The following SCARB1 variants were observed in gnomAD, a reference collection of about 807,000 sequenced individuals.
The protein encoded by SCARB1 is CD36 and LIMPII analogous 1.
Under a neutral mutation model 57.2 loss-of-function variants are expected in SCARB1, and 30 were observed. The ratio of observed to expected loss-of-function variants is 0.52; its 90% CI spans 0.39 to 0.71. The LOEUF (loss-of-function observed/expected upper bound fraction) is 0.71, where lower values mean the gene tolerates loss of function less well. SCARB1 is among the 30% of genes least tolerant of loss of function. The pLI, the probability that SCARB1 is intolerant of heterozygous loss-of-function variation, is 0.00. For synonymous variants in SCARB1, 249 were observed against 268.3 expected (o/e 0.93, Z 0.70); for missense variants, 543 against 671.2 (o/e 0.81, Z 2.11).
Position 124,811,957 on chromosome 12 carries a change from G to C in SCARB1, c.639C>G (p.Asn213Lys), listed in dbSNP as rs1950548485. 3 of 1,612,024 alleles carry C rather than the reference G, an allele frequency of 1.9e-6. No individual in the cohort carries two copies. The highest frequency in any genetic ancestry group is 2.5e-6 in the Non-Finnish European group (3 of 1,179,020). Residue 213 changes from asparagine (N) to lysine (K), a missense_variant, in exon 5 of 13, where the codon AAC becomes AAG. Coordinates refer to ENST00000261693, the MANE Select transcript of SCARB1 (RefSeq NM_005505.5). Reference sequence around the variant, plus strand: ...ACACCGTGAAGAGCCCAGAGTCGGAGTTGTTGAGCTACAGACACAGCAGGG... The same window carrying C: ...ACACCGTGAAGAGCCCAGAGTCGGACTTGTTGAGCTACAGACACAGCAGGG... ...DKFGLFAELN[N>K]SDSGLFTVFT...
chr12:124,782,071 A>C (rs838888), intron 12 of SCARB1, among the ~76,000 whole-genome samples: 104,057 of 151,798 alleles, frequency 0.69, 36,432 homozygotes, highest in African/African-American at 0.77. Flanking sequence ...ACACCCAGCT[A>C]ATTTTTTTTG....
At chr12:124,804,038 TCTC>T (rs1950239427) in intron 7 of SCARB1, among the ~76,000 whole-genome samples, 1 of 152,172 alleles carries the variant, frequency 6.6e-6, no homozygotes. Flanking sequence ...TTCTCCCCCT[TCTC>T]CTGGTACCTA....
intron 1 of SCARB1, among the ~76,000 whole-genome samples, chr12:124,859,382 T>A (rs1952785233): frequency 6.6e-6 from 1 of 151,468 alleles, no homozygotes; most frequent in Non-Finnish European, 1.5e-5. Flanking sequence ...AAAAAAAAAA[T>A]TAGCTGGGTG....
intron 9 of SCARB1, among the ~76,000 whole-genome samples, chr12:124,787,706 CGTTTT>C (rs1289473134): frequency 2.7e-5 from 4 of 150,792 alleles, no homozygotes; most frequent in Admixed American, 6.6e-5. Flanking sequence ...CTTTAAAAGG[CGTTTT>C]GTTTTTTTTT....
chr12:124,790,898 G>A (rs1949704650), intron 9 of SCARB1, among the ~76,000 whole-genome samples: 1 of 152,240 alleles, frequency 6.6e-6, no homozygotes, highest in African/African-American at 2.4e-5. Context: ...CTGGGAGCCT[G>A]GATTCGGGAG....
rs141299466 is a variant in SCARB1, at chr12:124,841,098, G to A, written c.126+22497C>T. 9.8e-3 allele frequency among the ~76,000 whole-genome samples: 1,495 copies of A among 152,338 alleles called. 21 individuals are homozygous for A. The highest frequency in any genetic ancestry group is 0.034 in the African/African-American group (1,426 of 41,582). Reference sequence around the variant, plus strand: ...GCAAGAAAATTGCTTGAGGCTGGGCGCGGTGGCTCACGCCTGTAATCCCAG... The same window carrying A: ...GCAAGAAAATTGCTTGAGGCTGGGCACGGTGGCTCACGCCTGTAATCCCAG... On this transcript the variant is annotated intron_variant, in intron 1 of 12. Transcript: ENST00000261693.
chr12:124,786,058 C>T, intron 11 of SCARB1: 1 of 1,518,178 alleles, frequency 6.6e-7, no homozygotes, highest in Non-Finnish European at 8.8e-7. Flanking sequence ...CGGGTGCTGA[C>T]TTGATGAATG....
At position 124,822,442 on chromosome 12, in the gene SCARB1, CCGCGACAT is replaced by C. The variant is rs1004442630; in HGVS notation, c.127-4743_127-4736del. Among the ~76,000 whole-genome samples the C allele has an allele frequency of 3.3e-5, 5 of 152,202 alleles. No individual in the cohort carries two copies. The highest frequency in any genetic ancestry group is 1.2e-4 in the African/African-American group (5 of 41,444). ...AGAATCATACTACACAACACCATTT[CCGCGACAT>C]CGGGGAAAGGGAATACTCTAGAGAG... On this transcript the variant is annotated intron_variant, in intron 1 of 12. Coordinates refer to ENST00000261693, the MANE Select transcript of SCARB1 (RefSeq NM_005505.5). This position sits in a 1 kb window ranked among gnomAD's most constrained non-coding sequence, Gnocchi z 5.0.
At position 124,850,005 on chromosome 12, in the gene SCARB1, A is replaced by T. The variant is rs1436164318; in HGVS notation, c.126+13590T>A. 1.6e-5 allele frequency among the ~76,000 whole-genome samples: 2 copies of T among 126,444 alleles called. 1 individual carries two copies. Among genetic ancestry groups the T allele is most frequent in the Non-Finnish European group, 3.5e-5 (2 of 56,818 alleles). The allele number at this position is 126,444 out of a possible 152,430, so 83.0% of individuals were successfully genotyped here. On this transcript the variant is annotated intron_variant, in intron 1 of 12. Coordinates refer to ENST00000261693, the MANE Select transcript of SCARB1 (RefSeq NM_005505.5). Reference sequence around the variant, plus strand: ...ATTGAGCCTGAGTGGTTGAAGCTGCAGTGAGCCGTAATCATGCCACTGCAC... The same window carrying T: ...ATTGAGCCTGAGTGGTTGAAGCTGCTGTGAGCCGTAATCATGCCACTGCAC...
At chr12:124,779,397 C>T (rs1043658723) in intron 12 of SCARB1, among the ~76,000 whole-genome samples, 2 of 152,192 alleles carry the variant, frequency 1.3e-5, no homozygotes, top group Non-Finnish European at 1.5e-5. Context: ...CTCATGGCTG[C>T]GCACATGCAG....
chr12:124,794,752 G>A (rs1949880119), intron 9 of SCARB1, among the ~76,000 whole-genome samples: 1 of 152,248 alleles, frequency 6.6e-6, no homozygotes, highest in African/African-American at 2.4e-5. Flanking sequence ...CCAACATGGT[G>A]AAACCCCATC....
intron 1 of SCARB1, among the ~76,000 whole-genome samples, chr12:124,841,082 T>C (rs1178894509): frequency 1.3e-5 from 2 of 149,050 alleles, no homozygotes; most frequent in Admixed American, 1.3e-4. Context: ...GGCAAGAAAA[T>C]TGCTTGAGGC....
At chr12:124,821,165 G>A (rs1950941754) in intron 1 of SCARB1, among the ~76,000 whole-genome samples, 1 of 151,932 alleles carries the variant, frequency 6.6e-6, no homozygotes, top group Non-Finnish European at 1.5e-5. Context: ...TTGAGCCCAG[G>A]AAGCAGAGGT....
At chr12:124,847,785 G>A (rs1337754754) in intron 1 of SCARB1, among the ~76,000 whole-genome samples, 1 of 152,192 alleles carries the variant, frequency 6.6e-6, no homozygotes, top group African/African-American at 2.4e-5. Flanking sequence ...CTGCCAGGCT[G>A]GGAGCTGGGG....
At chr12:124,820,809 T>C (rs1405932983) in intron 1 of SCARB1, among the ~76,000 whole-genome samples, 3 of 152,144 alleles carry the variant, frequency 2.0e-5, no homozygotes, top group Non-Finnish European at 4.4e-5. Flanking sequence ...GAGGGAACCG[T>C]AGAGGTGACA....
At chr12:124,778,648 C>T in intron 12 of SCARB1, 62 bp from the exon 13 acceptor site, 1 of 1,300,842 alleles carries the variant, frequency 7.7e-7, no homozygotes, top group South Asian at 2.0e-5. Context: ...CACCCTCATC[C>T]CCGCCCACCA....
At chr12:124,826,918 T>C (rs1346377464) in intron 1 of SCARB1, among the ~76,000 whole-genome samples, 1 of 152,156 alleles carries the variant, frequency 6.6e-6, no homozygotes, top group Non-Finnish European at 1.5e-5. Flanking sequence ...AGAAAAACAT[T>C]CAGGGAAATG....
intron 1 of SCARB1, among the ~76,000 whole-genome samples, chr12:124,853,499 A>G (rs1301141958): frequency 6.6e-6 from 1 of 151,024 alleles, no homozygotes; most frequent in Non-Finnish European, 1.5e-5. Flanking sequence ...GGTTCAAACA[A>G]TTCTCCTGCC....
Position 124,800,096 on chromosome 12 carries a change from C to T in SCARB1, c.1128+28G>A. 3.3e-6 allele frequency: 5 copies of T among 1,527,080 alleles called. No individual in the cohort carries two copies. Among genetic ancestry groups the T allele is most frequent in the Non-Finnish European group, 4.5e-6 (5 of 1,101,722 alleles). The allele number at this position is 1,527,080 out of a possible 1,614,324, so 94.6% of individuals were successfully genotyped here. The stretch of plus-strand genomic sequence containing the variant: ...GTGTGCTCCAACCAGGAATCACCCA[C>T]CCCCCACAGAGGATGGCAGGGGCTC... On this transcript the variant is annotated intron_variant, in intron 8 of 12. Transcript: ENST00000261693. This position sits in a 1 kb window ranked among gnomAD's most constrained non-coding sequence, Gnocchi z 4.8.
Sources: gnomAD v4.1 joint callset for allele counts (sites outside exome capture counted in the v4.1 genomes callset) on GRCh38, gnomAD v4.1.1 for gene constraint, Gnocchi (gnomAD v3.1) non-coding constraint, MANE v1.5 for transcripts, NCBI Gene and HGNC (gene_info 2026-07-23, HGNC 2026-07-21) for gene names.